ETV1: variants seen among roughly 807,000 people sequenced by gnomAD.
ETV1 encodes ETS translocation variant 1.
In ETV1, 27 loss-of-function variants were observed where a neutral mutation model predicts 62.3. That is an observed-to-expected ratio of 0.43 (90% confidence interval 0.32 to 0.60). ETV1 has a LOEUF of 0.60. ETV1 is among the 20% of genes least tolerant of loss of function. ETV1 has a pLI of 0.06. For missense variants in ETV1, 605 were observed against 605.8 expected, an observed-to-expected ratio of 1.00 and a Z score of 0.01; for synonymous variants, 222 against 199.6, an observed-to-expected ratio of 1.11 and a Z score of -0.94.
chr7:13,899,644 G>A (rs1583555395), intron 13 of ETV1, among the ~76,000 whole-genome samples: 2 of 152,064 alleles, frequency 1.3e-5, no homozygotes, highest in Admixed American at 6.6e-5. Context: ...AAACTGTAAC[G>A]TTCACAATAG....
chr7:13,919,284 A>T (rs1297323926), intron 9 of ETV1, among the ~76,000 whole-genome samples: 1 of 152,016 alleles, frequency 6.6e-6, no homozygotes, highest in Non-Finnish European at 1.5e-5. Flanking sequence ...CAGGCCCAGG[A>T]TTTACTATAA....
rs1475313018 is a variant in ETV1, at chr7:13,893,260, C to T, written c.*2606G>A. 2 of 232,168 alleles carry T rather than the reference C, an allele frequency of 8.6e-6. No homozygotes were observed. Among genetic ancestry groups the T allele is most frequent in the Non-Finnish European group, 1.7e-5 (2 of 117,536 alleles). The allele number at this position is 232,168 out of a possible 1,614,324, so 14.4% of individuals were successfully genotyped here. ...AGCCAATTCAATGAGAAATTCAAAA[C>T]ACAAGAATCTTGCAGAAATCAGCTG... On this transcript the variant is annotated 3_prime_UTR_variant, in exon 14 of 14. Coordinates refer to ENST00000430479, the MANE Select transcript of ETV1 (RefSeq NM_004956.5).
intron 6 of ETV1, among the ~76,000 whole-genome samples, chr7:13,972,958 C>G (rs1163076341): frequency 1.3e-5 from 2 of 152,130 alleles, no homozygotes; most frequent in Non-Finnish European, 2.9e-5. Flanking sequence ...AGTTAGCATC[C>G]TTCAAAGGTT....
chr7:13,944,055 GC>G (rs1477919725), intron 6 of ETV1, among the ~76,000 whole-genome samples: 1 of 152,166 alleles, frequency 6.6e-6, no homozygotes, highest in Non-Finnish European at 1.5e-5. Context: ...AGGAATGGCT[GC>G]TAGCATAACA....
At chr7:13,905,994 T>C (rs745453287) in intron 12 of ETV1, among the ~76,000 whole-genome samples, 1 of 152,152 alleles carries the variant, frequency 6.6e-6, no homozygotes, top group Non-Finnish European at 1.5e-5. Flanking sequence ...CCAACCCTCA[T>C]GACAAAATCC....
intron 6 of ETV1, among the ~76,000 whole-genome samples, chr7:13,973,826 C>T (rs1349182310): frequency 2.0e-5 from 3 of 152,100 alleles, no homozygotes; most frequent in East Asian, 1.9e-4. Flanking sequence ...TTCATAGTTT[C>T]GGCAAGTTTT....
rs35735011 is a variant in ETV1, at chr7:13,919,565, TACACAC to T, written c.803-8264_803-8259del. ...GTTAGAAACAACTAAATAGAAACCATACACACACACACACACACACACACACACACA... is the reference window on the plus strand; with the variant it reads ...GTTAGAAACAACTAAATAGAAACCATACACACACACACACACACACACACA... On this transcript the variant is annotated intron_variant, in intron 9 of 13. Transcript: ENST00000430479. 7.1e-3 allele frequency among the ~76,000 whole-genome samples: 968 copies of T among 135,444 alleles called. 14 individuals carry two copies. The highest frequency in any genetic ancestry group is 0.012 in the South Asian group (50 of 4,220). 88.9% of individuals were successfully genotyped at this position (135,444 alleles called of 152,430 possible).
In ETV1 at chr7:13,895,962, G is replaced by C; in HGVS notation, c.1338C>G (p.Asp446Glu). 1 of 1,613,654 alleles carries C rather than the reference G, an allele frequency of 6.2e-7. No individual in the cohort carries two copies. Among genetic ancestry groups the C allele is most frequent in the Non-Finnish European group, 8.5e-7 (1 of 1,179,774 alleles). Residue 446 changes from aspartate (D) to glutamate (E), a missense_variant, in exon 14 of 14, where the codon GAC becomes GAG. By Grantham distance (45) the Asp-to-Glu change is conservative. Around this residue, in one of 3 missense-constraint regions of ETV1, gnomAD observed 79 missense variants for 71.6 expected, o/e 1.10. Coordinates refer to ENST00000430479, the MANE Select transcript of ETV1 (RefSeq NM_004956.5). ...TDMERHINEE[D>E]TVPLSHFDES... ...CATCAAAGTGAGAAAGAGGCACTGT[G>C]TCCTCCTCGTTGATGTGACGTTCCA...
intron 3 of ETV1, chr7:13,988,762 C>A (rs756513796): frequency 6.2e-7 from 1 of 1,611,934 alleles, no homozygotes; most frequent in African/African-American, 1.3e-5. Flanking sequence ...TCCTCTTCCA[C>A]TCATGTTGGG....
chr7:13,967,309 G>C (rs1314740311), intron 6 of ETV1, among the ~76,000 whole-genome samples: 1 of 151,986 alleles, frequency 6.6e-6, no homozygotes, highest in African/African-American at 2.4e-5. Context: ...ACAAATCTCT[G>C]AATAGTTTAA....
At position 13,932,795 on chromosome 7, in the gene ETV1, C is replaced by G. The variant is rs182970701; in HGVS notation, c.555-1046G>C. On this transcript the variant is annotated intron_variant, in intron 8 of 13. Transcript: ENST00000430479. ...GCAAATATAAGCCTAATAACCCCCC[C>G]ACTAAAAGCATTCCTGAGACTTTAA... Among the ~76,000 whole-genome samples, 14 of 152,274 alleles carry G rather than the reference C, an allele frequency of 9.2e-5. No homozygotes were observed. The East Asian group carries it at 2.3e-3, about 25-fold the overall frequency.
intron 9 of ETV1, among the ~76,000 whole-genome samples, chr7:13,916,891 T>G (rs1784236858): frequency 6.7e-6 from 1 of 150,296 alleles, no homozygotes; most frequent in Non-Finnish European, 1.5e-5. Context: ...CAGATCATAC[T>G]ACTGCACTCC....
chr7:13,939,141 C>G lies in ETV1; in HGVS notation c.341G>C (p.Gly114Ala), dbSNP rs762835509. 15 of 1,613,168 alleles carry G rather than the reference C, an allele frequency of 9.3e-6. No individual in the cohort carries two copies. The highest frequency in any genetic ancestry group is 2.7e-5 in the African/African-American group (2 of 74,904). ...SQEQPFKFSY[G>A]EKCLYNVSAY... The stretch of plus-strand genomic sequence containing the variant: ...CCTGACATTGTACAGGCACTTTTCT[C>G]CATAGCTGAATTTAAAGGGCTGTTC... The change falls in exon 7 of 14, where the codon GGA becomes GCA. Residue 114 changes from glycine to alanine, a missense_variant. By Grantham distance (60) the Gly-to-Ala change is moderately conservative (BLOSUM62 0). This residue lies in a region of ETV1 where 426 missense variants were observed against 377.8 expected (regional missense o/e 1.13). Transcript: ENST00000430479.
chr7:13,986,526 C>G (rs1297018964), intron 5 of ETV1, 112 bp downstream of exon 5: 2 of 1,559,150 alleles, frequency 1.3e-6, no homozygotes, highest in Admixed American at 4.3e-5. Context: ...CATGAGGTGG[C>G]TCTTTTAGAG....
chr7:13,899,748 T>TTCCCTC (rs1782217520), intron 13 of ETV1, among the ~76,000 whole-genome samples: 1 of 152,252 alleles, frequency 6.6e-6, no homozygotes, highest in Non-Finnish European at 1.5e-5. Context: ...CCACGTTTTA[T>TTCCCTC]CTTCATTCAT....
chr7:13,913,526 T>A (rs1323063472), intron 9 of ETV1, among the ~76,000 whole-genome samples: 1 of 152,226 alleles, frequency 6.6e-6, no homozygotes, highest in Admixed American at 6.5e-5. Flanking sequence ...GTAAGTTATG[T>A]GCAACATTTC....
intron 3 of ETV1, 81 bp downstream of exon 3, chr7:13,988,927 C>A: frequency 7.2e-7 from 1 of 1,397,884 alleles, no homozygotes. Context: ...CCCCCGTGCC[C>A]CCTCCCTTCT....
At chr7:13,955,158 A>T (rs755036014) in intron 6 of ETV1, among the ~76,000 whole-genome samples, 2 of 152,212 alleles carry the variant, frequency 1.3e-5, no homozygotes, top group Non-Finnish European at 2.9e-5. Flanking sequence ...TTTTACCCCA[A>T]AATAAATTTG....
At position 13,936,287 on chromosome 7, in the gene ETV1, A is replaced by G. The variant is rs373016063; in HGVS notation, c.366-391T>C. ...ACTTCTGATATTATATTCTTCTTTT[A>G]TATTATGTAAGATTTTAAAACAAGA... is the stretch of plus-strand genomic sequence containing the variant. On this transcript the variant is annotated intron_variant, in intron 7 of 13. Coordinates refer to ENST00000430479, the MANE Select transcript of ETV1 (RefSeq NM_004956.5). Among the ~76,000 whole-genome samples, 4 of 152,294 alleles carry G rather than the reference A, an allele frequency of 2.6e-5. No individual in the cohort carries two copies. In the South Asian group the frequency reaches 8.3e-4, roughly 32 times the overall value.
Sources: allele counts gnomAD v4.1 joint callset (sites outside exome capture counted in the v4.1 genomes callset), GRCh38; gene constraint gnomAD v4.1.1; regional missense constraint gnomAD v4.1.1; transcripts MANE v1.5; gene names NCBI Gene and HGNC (gene_info 2026-07-23, HGNC 2026-07-21).